The following SLC22A23 variants were observed in gnomAD, a reference collection of about 807,000 sequenced individuals.
SLC22A23 encodes ion transporter protein.
SLC22A23 carries 26 observed loss-of-function variants against 61.0 expected under a neutral mutation model. That is an observed-to-expected ratio of 0.43 (90% CI 0.31 to 0.59). The LOEUF is 0.59. Ranked by LOEUF, SLC22A23 falls within the 20% of genes least tolerant of loss-of-function variation. The pLI, the probability that SLC22A23 is intolerant of heterozygous loss-of-function variation, is 0.11. For missense variants in SLC22A23, 796 were observed against 934.7 expected, an observed-to-expected ratio of 0.85 and a Z score of 1.94; for synonymous variants, 430 against 413.9, an observed-to-expected ratio of 1.04 and a Z score of -0.47.
At chr6:3,423,045 T>G (rs75783765) in intron 1 of SLC22A23, among the ~76,000 whole-genome samples, 1 of 151,864 alleles carries the variant, frequency 6.6e-6, no homozygotes, top group Non-Finnish European at 1.5e-5. Context: ...TTTTTTTTTT[T>G]GTCTTTTTTT....
In SLC22A23 at chr6:3,315,870, A is replaced by G. The variant is rs12525565; in HGVS notation, c.1082+7964T>C. 6.7e-3 allele frequency among the ~76,000 whole-genome samples: 649 copies of G among 97,418 alleles called. 18 individuals carry two copies. Among genetic ancestry groups the G allele is most frequent in the East Asian group, 0.06 (116 of 1,926 alleles). 63.9% of individuals were successfully genotyped at this position (97,418 alleles called of 152,430 possible). On this transcript the variant is annotated intron_variant, in intron 4 of 9. Coordinates refer to ENST00000406686, the MANE Select transcript of SLC22A23 (RefSeq NM_015482.2). Reference sequence around the variant, plus strand: ...CAGAGTGAGAATCCGTCTCAAAAAAAAAAAGAAAAGAAAAGAAAAGAAAAG... The same window carrying G: ...CAGAGTGAGAATCCGTCTCAAAAAAGAAAAGAAAAGAAAAGAAAAGAAAAG...
intron 9 of SLC22A23, 72 bp downstream of exon 9, chr6:3,283,780 C>G: frequency 6.3e-7 from 1 of 1,599,982 alleles, no homozygotes. Flanking sequence ...AATCCCACAC[C>G]AGCCTGGAGC....
At chr6:3,306,837 A>G (rs957625016) in intron 4 of SLC22A23, among the ~76,000 whole-genome samples, 2 of 152,216 alleles carry the variant, frequency 1.3e-5, no homozygotes, top group African/African-American at 4.8e-5. Flanking sequence ...CAGGACAAGG[A>G]CGCTGTCTAG....
At chr6:3,301,918 G>A (rs1561881891) in intron 4 of SLC22A23, among the ~76,000 whole-genome samples, 1 of 152,260 alleles carries the variant, frequency 6.6e-6, no homozygotes, top group East Asian at 1.9e-4. Context: ...GGACATTTGA[G>A]TGGTGCCATT....
intron 9 of SLC22A23, among the ~76,000 whole-genome samples, chr6:3,282,754 C>T (rs569372217): frequency 2.6e-5 from 4 of 152,338 alleles, no homozygotes; most frequent in African/African-American, 4.8e-5. Flanking sequence ...CAGTAAGTCA[C>T]AAACAGTGTA....
chr6:3,331,038 T>C (rs543440442), intron 3 of SLC22A23, among the ~76,000 whole-genome samples: 1 of 152,360 alleles, frequency 6.6e-6, no homozygotes, highest in African/African-American at 2.4e-5. Context: ...ATTTTTCCTG[T>C]GTTAAATTCA....
intron 1 of SLC22A23, chr6:3,444,733 T>G (rs1771795705): frequency 1.1e-6 from 1 of 933,472 alleles, no homozygotes; most frequent in Admixed American, 6.2e-5. Flanking sequence ...AGGTTGGAAC[T>G]TAGACACATA....
At chr6:3,406,530 G>A (rs1768841522) in intron 3 of SLC22A23, among the ~76,000 whole-genome samples, 1 of 46,794 alleles carries the variant, frequency 2.1e-5, no homozygotes, top group Non-Finnish European at 4.1e-5. Context: ...GACTGCCTGT[G>A]TGTGTGTGTG....
At chr6:3,406,193 C>T (rs914050675) in intron 3 of SLC22A23, among the ~76,000 whole-genome samples, 1 of 152,114 alleles carries the variant, frequency 6.6e-6, no homozygotes, top group Non-Finnish European at 1.5e-5. Context: ...AGAAGAGACA[C>T]TTTTAAACAG....
intron 3 of SLC22A23, among the ~76,000 whole-genome samples, chr6:3,397,555 G>A (rs867019770): frequency 5.3e-5 from 8 of 152,280 alleles, no homozygotes; most frequent in African/African-American, 1.9e-4. Flanking sequence ...TGGTTACTAT[G>A]AAATTTACAT....
intron 1 of SLC22A23, among the ~76,000 whole-genome samples, chr6:3,417,215 C>A (rs1444537926): frequency 2.0e-5 from 3 of 152,244 alleles, no homozygotes; most frequent in African/African-American, 4.8e-5. Flanking sequence ...GTCCCCACTT[C>A]TGCCCTGGAC....
chr6:3,366,646 T>C (rs1765857174), intron 3 of SLC22A23, among the ~76,000 whole-genome samples: 3 of 152,202 alleles, frequency 2.0e-5, no homozygotes, highest in Admixed American at 1.3e-4. Flanking sequence ...AATACTTCTA[T>C]GCGATCTATG....
chr6:3,326,520 T>G (rs1356560569), intron 3 of SLC22A23, among the ~76,000 whole-genome samples: 1 of 152,152 alleles, frequency 6.6e-6, no homozygotes, highest in Non-Finnish European at 1.5e-5. Flanking sequence ...CTCACAGACA[T>G]ATCGGTGGGA....
Position 3,269,472 on chromosome 6 carries a change from A to G in SLC22A23, c.*3583T>C, listed in dbSNP as rs1199615622. 1.3e-5 allele frequency: 2 copies of G among 152,724 alleles called. No individual in the cohort carries two copies. Among genetic ancestry groups the G allele is most frequent in the East Asian group, 3.7e-4 (2 of 5,340 alleles). 9.5% of individuals were successfully genotyped at this position (152,724 alleles called of 1,614,324 possible). ...TCCAGAGGAAATCTGTTAATGGGGC[A>G]ACGTTTTTATTTCTGTACATTTACA... On this transcript the variant is annotated 3_prime_UTR_variant, in exon 10 of 10. Transcript: ENST00000406686.
chr6:3,449,128 T>C (rs1458394206), intron 1 of SLC22A23, among the ~76,000 whole-genome samples: 2 of 152,242 alleles, frequency 1.3e-5, no homozygotes, highest in East Asian at 3.8e-4. Flanking sequence ...GGTTATATCC[T>C]CTGACCTTTC....
intron 1 of SLC22A23, among the ~76,000 whole-genome samples, chr6:3,419,425 C>CA (rs1252881494): frequency 6.6e-6 from 1 of 152,206 alleles, no homozygotes; most frequent in Non-Finnish European, 1.5e-5. Flanking sequence ...CCTATGGTTT[C>CA]AAATGTGATT....
intron 4 of SLC22A23, among the ~76,000 whole-genome samples, chr6:3,300,475 G>T (rs575987720): frequency 6.6e-6 from 1 of 152,176 alleles, no homozygotes; most frequent in Admixed American, 6.5e-5. Context: ...GAAGAGAGGT[G>T]CCTTGCCCCT....
At chr6:3,431,856 G>T (rs1368551400) in intron 1 of SLC22A23, among the ~76,000 whole-genome samples, 1 of 152,212 alleles carries the variant, frequency 6.6e-6, no homozygotes, top group Non-Finnish European at 1.5e-5. Flanking sequence ...TTTCCTATGA[G>T]CTTCCATACT....
intron 1 of SLC22A23, among the ~76,000 whole-genome samples, chr6:3,432,971 G>T (rs1387937642): frequency 8.5e-5 from 13 of 152,218 alleles, no homozygotes; most frequent in Admixed American, 7.8e-4. Flanking sequence ...TCCTTGGCTT[G>T]AAACCCTACA....
Sources: gnomAD v4.1 joint callset for allele counts (sites outside exome capture counted in the v4.1 genomes callset) on GRCh38, gnomAD v4.1.1 for gene constraint, MANE v1.5 for transcripts, NCBI Gene and HGNC (gene_info 2026-07-23, HGNC 2026-07-21) for gene names.